Variants in ZCWPW2 observed in about 807,000 individuals in gnomAD.
ZCWPW2 encodes zinc finger CW-type PWWP domain protein 2.
In ZCWPW2, 45 loss-of-function variants were observed where a neutral mutation model predicts 46.6. The ratio of observed to expected loss-of-function variants is 0.96; its 90% CI spans 0.76 to 1.24. ZCWPW2 has a LOEUF of 1.24. Among genes scored for constraint, ZCWPW2 ranks in the 50% most tolerant of loss-of-function variants. The pLI is 0.00. For missense variants in ZCWPW2, 429 were observed against 403.9 expected (o/e 1.06, Z -0.53); for synonymous variants, 152 against 137.1 (o/e 1.11, Z -0.76).
rs532337372 is a variant in ZCWPW2 at position 28,477,843 on chromosome 3, G to A, written c.493-971G>A. Among the ~76,000 whole-genome samples, 4 of 152,026 alleles carry A rather than the reference G, an allele frequency of 2.6e-5. 1 individual carries two copies. In the South Asian group the frequency reaches 8.3e-4, roughly 31 times the overall value. On this transcript the variant is annotated intron_variant, in intron 4 of 9. Coordinates refer to ENST00000383768, the MANE Select transcript of ZCWPW2 (RefSeq NM_001040432.4). ...GTATTCAAAATGAAAATGATGGCAT[G>A]CATTTTATAAATATAACATTTAAAA...
At position 28,497,975 on chromosome 3, in the gene ZCWPW2, G is replaced by A. The variant is rs140362730; in HGVS notation, c.657+5802G>A. Among the ~76,000 whole-genome samples, 183 of 152,140 alleles carry A rather than the reference G, an allele frequency of 1.2e-3. 1 individual carries two copies. Among genetic ancestry groups the A allele is most frequent in the Non-Finnish European group, 2.1e-3 (146 of 68,008 alleles). On this transcript the variant is annotated intron_variant, in intron 6 of 9. Coordinates refer to ENST00000383768, the MANE Select transcript of ZCWPW2 (RefSeq NM_001040432.4). ...ATAAAAAGGAGTGGGTCTAGATTCT[G>A]TAAGTCCCTTCCTACTCTAATATCC... is the stretch of plus-strand genomic sequence containing the variant.
chr3:28,353,122 C>G (rs1269725341), intron 1 of ZCWPW2, among the ~76,000 whole-genome samples: 1 of 151,284 alleles, frequency 6.6e-6, no homozygotes, highest in African/African-American at 2.4e-5. Flanking sequence ...AGGCAGAGGC[C>G]ACAGTGAACT....
chr3:28,519,217 C>G (rs1055818204), intron 8 of ZCWPW2, among the ~76,000 whole-genome samples: 1 of 152,130 alleles, frequency 6.6e-6, no homozygotes, highest in Non-Finnish European at 1.5e-5. Context: ...AGTTGCTTAT[C>G]AGAAAGCTTG....
At chr3:28,448,779 T>C (rs1698101690) in intron 4 of ZCWPW2, among the ~76,000 whole-genome samples, 3 of 57,912 alleles carry the variant, frequency 5.2e-5, no homozygotes, top group African/African-American at 1.2e-4. Flanking sequence ...AGTGAGACTC[T>C]GTCTCAAAAA....
chr3:28,484,281 A>C (rs2125809614), intron 5 of ZCWPW2, among the ~76,000 whole-genome samples: 1 of 152,076 alleles, frequency 6.6e-6, no homozygotes, highest in Middle Eastern at 3.4e-3. Context: ...CCAATTTTTG[A>C]ACTACCTTGC....
intron 4 of ZCWPW2, among the ~76,000 whole-genome samples, chr3:28,469,127 G>T (rs762701754): frequency 1.3e-5 from 2 of 152,108 alleles, no homozygotes; most frequent in Non-Finnish European, 2.9e-5. Flanking sequence ...TTTGTTACAT[G>T]TAAGAACATG....
chr3:28,493,466 A>C (rs1699895914), intron 6 of ZCWPW2, among the ~76,000 whole-genome samples: 1 of 117,178 alleles, frequency 8.5e-6, no homozygotes, highest in Non-Finnish European at 1.9e-5. Context: ...ATGTCCCTAC[A>C]AAGGACATGA....
chr3:28,353,867 TG>T (rs962853559), intron 1 of ZCWPW2, among the ~76,000 whole-genome samples: 1 of 152,160 alleles, frequency 6.6e-6, no homozygotes, highest in African/African-American at 2.4e-5. Flanking sequence ...GTTGGTAGAT[TG>T]TAAGAGAAGA....
intron 2 of ZCWPW2, among the ~76,000 whole-genome samples, chr3:28,411,445 C>G (rs146750450): frequency 2.6e-5 from 4 of 151,518 alleles, no homozygotes; most frequent in Non-Finnish European, 5.9e-5. Context: ...AACAAACATT[C>G]GAAGCATTCT....
chr3:28,470,767 T>C (rs1474351587), intron 4 of ZCWPW2, among the ~76,000 whole-genome samples: 4 of 151,960 alleles, frequency 2.6e-5, no homozygotes, highest in Non-Finnish European at 4.4e-5. Flanking sequence ...ATTGAAGATG[T>C]AGAGATGAGA....
chr3:28,348,969 T>G lies in ZCWPW2; in HGVS notation c.-368T>G, dbSNP rs574284792. 1 of 985,632 alleles carries G rather than the reference T, an allele frequency of 1.0e-6. No homozygotes were observed. Among genetic ancestry groups the G allele is most frequent in the Non-Finnish European group, 1.2e-6 (1 of 830,112 alleles). 61.1% of individuals were successfully genotyped at this position (985,632 alleles called of 1,614,324 possible). ...TCCGGAAAGTGATTGGAAGTGTGGA[T>G]GAGCTCTCAGCCGGAAAAGGGGCTG... On this transcript the variant is annotated 5_prime_UTR_variant, in exon 1 of 10. It removes an upstream start codon present in the reference 5' UTR. Transcript: ENST00000383768.
intron 4 of ZCWPW2, among the ~76,000 whole-genome samples, chr3:28,474,586 CGTGT>C (rs71087699): frequency 0.061 from 8,332 of 136,122 alleles, 246 homozygotes; most frequent in African/African-American, 0.077. Context: ...TTAAATACAG[CGTGT>C]GTGTGTGTGT....
intron 6 of ZCWPW2, among the ~76,000 whole-genome samples, chr3:28,511,507 T>A (rs1287666883): frequency 2.0e-5 from 3 of 152,170 alleles, no homozygotes; most frequent in African/African-American, 7.2e-5. Flanking sequence ...TTTTTAGACA[T>A]AATAGAAATG....
intron 2 of ZCWPW2, among the ~76,000 whole-genome samples, chr3:28,411,051 A>T (rs569145654): frequency 6.6e-6 from 1 of 152,054 alleles, no homozygotes; most frequent in East Asian, 1.9e-4. Context: ...TATAATCTTG[A>T]TATGAAAACC....
chr3:28,426,014 C>T (rs1212662593), intron 3 of ZCWPW2, among the ~76,000 whole-genome samples: 1 of 151,986 alleles, frequency 6.6e-6, no homozygotes, highest in Non-Finnish European at 1.5e-5. Context: ...GAGGCTGAGG[C>T]AGGAGAATTG....
At chr3:28,390,398 T>C (rs1695439345) in intron 1 of ZCWPW2, 100 bp from the exon 2 acceptor site, 1 of 913,598 alleles carries the variant, frequency 1.1e-6, no homozygotes, top group African/African-American at 1.8e-5. Context: ...TTTATGCTTT[T>C]GTCAGTGATA....
intron 5 of ZCWPW2, among the ~76,000 whole-genome samples, chr3:28,487,704 A>T (rs1027511448): frequency 1.2e-4 from 18 of 152,162 alleles, no homozygotes; most frequent in African/African-American, 4.3e-4. Flanking sequence ...TTCTGGGTAA[A>T]ATAACTGCAA....
At chr3:28,428,899 C>T (rs565546212) in intron 3 of ZCWPW2, among the ~76,000 whole-genome samples, 2 of 152,250 alleles carry the variant, frequency 1.3e-5, no homozygotes, top group Non-Finnish European at 2.9e-5. Flanking sequence ...GCCTCCCCAA[C>T]CATGTGGAAC....
At chr3:28,467,084 A>G (rs1042531128) in intron 4 of ZCWPW2, among the ~76,000 whole-genome samples, 1 of 152,198 alleles carries the variant, frequency 6.6e-6, no homozygotes, top group African/African-American at 2.4e-5. Flanking sequence ...TAATAGAAAT[A>G]TATAGAAATT....
Sources: allele counts gnomAD v4.1 joint callset (sites outside exome capture counted in the v4.1 genomes callset), GRCh38; gene constraint gnomAD v4.1.1; transcripts MANE v1.5; gene names NCBI Gene and HGNC (gene_info 2026-07-23, HGNC 2026-07-21).